The following BUB1B variants were observed in gnomAD, a reference collection of about 807,000 sequenced individuals.
The protein encoded by BUB1B is BUB1 mitotic checkpoint serine/threonine kinase B.
A neutral mutation model predicts 137.7 loss-of-function variants in BUB1B; 86 were observed. The ratio of observed to expected loss-of-function variants is 0.62; its 90% CI spans 0.52 to 0.75. BUB1B has a LOEUF of 0.75. Among genes scored for constraint, BUB1B ranks in the 30% least tolerant of loss-of-function variants. The probability of loss-of-function intolerance (pLI) is 0.00; values close to 1 mark genes in which losing one functional copy is unlikely to be tolerated. For synonymous variants in BUB1B, 420 were observed against 417.9 expected (o/e 1.00, Z -0.06); for missense variants, 1,130 against 1,236.9 (o/e 0.91, Z 1.30).
chr15:40,185,232 T>C lies in BUB1B; in HGVS notation c.819T>C (p.Thr273=). Residue 273 remains threonine (T), a synonymous_variant, in exon 7 of 23, where the codon ACT becomes ACC. Transcript: ENST00000287598. ...AGATGCAAAATAATAGTAGAATTAC[T>C]GTTTTTGATGAAAATGCTGATGAGG... ...PQQMQNNSRI[T]VFDENADEAS... is the part of the protein sequence containing the mutation. 1 of 1,614,178 alleles carries C rather than the reference T, an allele frequency of 6.2e-7. No homozygotes were observed. The highest frequency in any genetic ancestry group is 8.5e-7 in the Non-Finnish European group (1 of 1,180,028).
rs1160797735 is a variant in BUB1B, at chr15:40,161,249, C to A, written c.29C>A (p.Ala10Asp). 6.2e-7 allele frequency: 1 copy of A among 1,612,682 alleles called. No individual in the cohort carries two copies. Among genetic ancestry groups the A allele is most frequent in the Non-Finnish European group, 8.5e-7 (1 of 1,179,408 alleles). The change falls in exon 1 of 23, where the codon GCT becomes GAT. Residue 10 changes from alanine (A) to aspartate (D), a missense_variant. Transcript: ENST00000287598. Reference sequence around the variant, plus strand: ...GCGGCGGTGAAGAAGGAAGGGGGTGCTCTGAGGTAGGTACGGGAGAAAGCT... The same window carrying A: ...GCGGCGGTGAAGAAGGAAGGGGGTGATCTGAGGTAGGTACGGGAGAAAGCT... Reference protein sequence around the residue: MAAVKKEGGALSEAMSLEGD... With the variant: MAAVKKEGGDLSEAMSLEGD...
chr15:40,175,388 C>T (rs931027921), intron 4 of BUB1B, among the ~76,000 whole-genome samples: 1 of 151,976 alleles, frequency 6.6e-6, no homozygotes, highest in African/African-American at 2.4e-5. Context: ...CAGAGCAAGA[C>T]CTTGTCTGTA....
chr15:40,218,139 A>G lies in BUB1B; in HGVS notation c.2851-317A>G, dbSNP rs1494534. Among the ~76,000 whole-genome samples the G allele has an allele frequency of 0.082, 12,460 of 152,284 alleles. 1,677 individuals are homozygous for G. The highest frequency in any genetic ancestry group is 0.28 in the African/African-American group (11,788 of 41,510). ...CATTTGCTGATTGAATATGTAGCACAAACCTGAACTAATCATGTGGACCCC... is the reference window on the plus strand; with the variant it reads ...CATTTGCTGATTGAATATGTAGCACGAACCTGAACTAATCATGTGGACCCC... On this transcript the variant is annotated intron_variant, in intron 21 of 22. Transcript: ENST00000287598.
In BUB1B at chr15:40,199,654, A is replaced by G; in HGVS notation, c.1328A>G (p.Gln443Arg). The G allele has an allele frequency of 6.2e-7, 1 of 1,614,094 alleles. No homozygotes were observed. Among genetic ancestry groups the G allele is most frequent in the Non-Finnish European group, 8.5e-7 (1 of 1,179,944 alleles). ...AGTGCAGAGAAGAGAGCAGAAATGC[A>G]GAAACAGATTGAAGAGATGGAGAAG... ...LTSAEKRAEM[Q>R]KQIEEMEKKL... Residue 443 changes from glutamine (Q) to arginine (R), a missense_variant, in exon 10 of 23, where the codon CAG becomes CGG. Transcript: ENST00000287598.
intron 8 of BUB1B, among the ~76,000 whole-genome samples, chr15:40,193,038 T>C (rs1273887360): frequency 1.3e-5 from 2 of 151,850 alleles, no homozygotes; most frequent in African/African-American, 4.8e-5. Context: ...TTTTTAAAGA[T>C]GGGGTCTCAC....
At chr15:40,201,365 A>G (rs2037566998) in intron 12 of BUB1B, among the ~76,000 whole-genome samples, 1 of 152,208 alleles carries the variant, frequency 6.6e-6, no homozygotes, top group South Asian at 2.1e-4. Context: ...TGAAACATGA[A>G]TATCTACTTG....
chr15:40,204,944 C>CTT (rs11333364), intron 14 of BUB1B, among the ~76,000 whole-genome samples: 9 of 94,782 alleles, frequency 9.5e-5, no homozygotes, highest in Admixed American at 2.3e-4. Flanking sequence ...CTGGCCAAAT[C>CTT]TTTTTTTTTT....
intron 4 of BUB1B, among the ~76,000 whole-genome samples, chr15:40,171,109 T>A (rs946866640): frequency 3.9e-5 from 6 of 152,088 alleles, no homozygotes; most frequent in Non-Finnish European, 5.9e-5. Flanking sequence ...GCTAATTTTT[T>A]AATTTTTAAT....
intron 16 of BUB1B, among the ~76,000 whole-genome samples, 173 bp downstream of exon 16, chr15:40,208,943 G>A (rs1272511811): frequency 6.6e-6 from 1 of 152,014 alleles, no homozygotes; most frequent in Non-Finnish European, 1.5e-5. Flanking sequence ...TCAGCCTCCC[G>A]AGTAGCTGGG....
At chr15:40,202,547 TG>T in intron 13 of BUB1B, 41 bp from the exon 14 acceptor site, 1 of 1,601,868 alleles carries the variant, frequency 6.2e-7, no homozygotes, top group Non-Finnish European at 8.6e-7. Context: ...TAGGGGTTAC[TG>T]TTATGAAAAA....
At chr15:40,207,967 T>C (rs2037658281) in intron 15 of BUB1B, among the ~76,000 whole-genome samples, 1 of 149,368 alleles carries the variant, frequency 6.7e-6, no homozygotes, top group Admixed American at 6.6e-5. Flanking sequence ...GCCTCCCAAG[T>C]AGTCCCAGAT....
intron 5 of BUB1B, 138 bp from the exon 6 acceptor site, chr15:40,183,576 A>G (rs1485307696): frequency 2.5e-6 from 2 of 788,084 alleles, no homozygotes; most frequent in Non-Finnish European, 4.3e-6. Flanking sequence ...TTCTGAGAGA[A>G]TAAACATGTT....
At chr15:40,186,894 A>G (rs1049864916) in intron 8 of BUB1B, 1 of 149,300 alleles carries the variant, frequency 6.7e-6, no homozygotes, top group Non-Finnish European at 1.5e-5. Context: ...GGGGAAGGCT[A>G]TTTTTTTTCT....
chr15:40,192,687 A>G (rs2037451538), intron 8 of BUB1B, among the ~76,000 whole-genome samples: 1 of 152,184 alleles, frequency 6.6e-6, no homozygotes, highest in Admixed American at 6.5e-5. Flanking sequence ...CCACTTAACA[A>G]TAAGGTTCCT....
chr15:40,217,806 G>A, intron 21 of BUB1B, 139 bp downstream of exon 21: 2 of 1,029,734 alleles, frequency 1.9e-6, no homozygotes, highest in Admixed American at 1.9e-5. Flanking sequence ...ACCAAGTCAA[G>A]TAAAATGTAA....
chr15:40,209,946 T>G (rs2037690080), intron 17 of BUB1B, among the ~76,000 whole-genome samples, 164 bp from the exon 18 acceptor site: 1 of 152,232 alleles, frequency 6.6e-6, no homozygotes, highest in East Asian at 1.9e-4. Flanking sequence ...ATAGGAATTA[T>G]GTCTTCTCCT....
At chr15:40,162,570 T>G (rs935918591) in intron 1 of BUB1B, among the ~76,000 whole-genome samples, 3 of 152,170 alleles carry the variant, frequency 2.0e-5, no homozygotes, top group Admixed American at 1.3e-4. Flanking sequence ...AAGTGGTTGA[T>G]TTCTGTATAT....
intron 9 of BUB1B, among the ~76,000 whole-genome samples, chr15:40,197,434 G>A (rs903789671): frequency 7.2e-5 from 11 of 152,132 alleles, no homozygotes; most frequent in African/African-American, 2.7e-4. Flanking sequence ...GGGAAGTAAG[G>A]CATATGGGGC....
intron 14 of BUB1B, among the ~76,000 whole-genome samples, chr15:40,205,878 A>G (rs553558735): frequency 1.4e-4 from 22 of 152,356 alleles, no homozygotes; most frequent in African/African-American, 5.3e-4. Flanking sequence ...ATAGCAAATC[A>G]TTAGAATATT....
Sources: allele counts gnomAD v4.1 joint callset (sites outside exome capture counted in the v4.1 genomes callset), GRCh38; gene constraint gnomAD v4.1.1; transcripts MANE v1.5; gene names NCBI Gene and HGNC (gene_info 2026-07-23, HGNC 2026-07-21).